The following BNIP1 variants were observed in gnomAD, a reference collection of about 807,000 sequenced individuals.
BNIP1 encodes BCL2 interacting protein 1.
Under a neutral mutation model 28.5 loss-of-function variants are expected in BNIP1, and 25 were observed. That is an observed-to-expected ratio of 0.88 (90% CI 0.64 to 1.23). BNIP1 has a LOEUF of 1.23. BNIP1 is among the 50% of genes most tolerant of loss of function. BNIP1 has a pLI of 0.00. For synonymous variants in BNIP1, 118 were observed against 101.7 expected (o/e 1.16, Z -0.96); for missense variants, 276 against 277.0 (o/e 1.00, Z 0.02).
chr5:173,163,200 C>T (rs1760411714), intron 5 of BNIP1, among the ~76,000 whole-genome samples: 1 of 152,208 alleles, frequency 6.6e-6, no homozygotes, highest in Admixed American at 6.5e-5. Context: ...GCCAGTATCC[C>T]TGGCCTGAGG....
At chr5:173,150,103 T>A (rs959829928) in intron 2 of BNIP1, among the ~76,000 whole-genome samples, 1 of 151,998 alleles carries the variant, frequency 6.6e-6, no homozygotes, top group South Asian at 2.1e-4. Context: ...ACTAAAAGTA[T>A]AAAAATTAGC....
chr5:173,150,166 G>A (rs1298042603), intron 2 of BNIP1, among the ~76,000 whole-genome samples: 2 of 151,644 alleles, frequency 1.3e-5, no homozygotes, highest in Non-Finnish European at 2.9e-5. Flanking sequence ...GCTGAGGCAT[G>A]AGAATTGCTT....
intron 2 of BNIP1, among the ~76,000 whole-genome samples, chr5:173,147,822 GTTGC>G (rs1277144482): frequency 9.9e-5 from 15 of 151,482 alleles, no homozygotes; most frequent in African/African-American, 3.4e-4. Flanking sequence ...ATGTTATTCT[GTTGC>G]TTTCATTTTT....
At chr5:173,153,937 A>T (rs1760104559) in intron 2 of BNIP1, among the ~76,000 whole-genome samples, 1 of 152,202 alleles carries the variant, frequency 6.6e-6, no homozygotes. Context: ...CTGGAAATGA[A>T]CAGCAGTTTG....
chr5:173,153,834 A>G (rs1760100112), intron 2 of BNIP1, among the ~76,000 whole-genome samples: 1 of 151,978 alleles, frequency 6.6e-6, no homozygotes, highest in South Asian at 2.1e-4. Flanking sequence ...TCAGGGCTTC[A>G]TTTTTCTGTC....
At chr5:173,148,298 T>A (rs377006681) in intron 2 of BNIP1, among the ~76,000 whole-genome samples, 40 of 151,410 alleles carry the variant, frequency 2.6e-4, no homozygotes, top group African/African-American at 9.5e-4. Flanking sequence ...AGCTTCTAAT[T>A]GTTTCCAAGT....
At chr5:173,148,079 AAAAAATATATATATATATATATATATAT>A (rs1561593291) in intron 2 of BNIP1, among the ~76,000 whole-genome samples, 7 of 49,700 alleles carry the variant, frequency 1.4e-4, no homozygotes, top group African/African-American at 5.7e-4. Flanking sequence ...AAAAAAAAAA[AAAAAATATATATATATATATATATATAT>A]ATATATATAT....
chr5:173,159,704 G>C (rs928114786), intron 4 of BNIP1, among the ~76,000 whole-genome samples: 3 of 152,142 alleles, frequency 2.0e-5, no homozygotes, highest in East Asian at 1.9e-4. Context: ...CATTACCAAG[G>C]CTCTTCAATT....
intron 2 of BNIP1, among the ~76,000 whole-genome samples, chr5:173,149,395 G>A (rs947185491): frequency 3.9e-5 from 6 of 152,136 alleles, no homozygotes; most frequent in African/African-American, 9.7e-5. Context: ...GATCTCATGA[G>A]ACTCATTCAC....
chr5:173,164,121 G>T lies in BNIP1; in HGVS notation c.*200G>T. The T allele has an allele frequency of 4.2e-6, 2 of 480,552 alleles. No homozygotes were observed. The highest frequency in any genetic ancestry group is 7.1e-6 in the Non-Finnish European group (2 of 281,610). The allele number at this position is 480,552 out of a possible 1,614,324, so 29.8% of individuals were successfully genotyped here. Reference sequence around the variant, plus strand: ...AACAGAGCCATGGGAGGAAGGTCTGGCATTGGGATGCCGCCCTGGGGACAT... The same window carrying T: ...AACAGAGCCATGGGAGGAAGGTCTGTCATTGGGATGCCGCCCTGGGGACAT... On this transcript the variant is annotated 3_prime_UTR_variant, in exon 6 of 6. Coordinates refer to ENST00000351486, the MANE Select transcript of BNIP1 (RefSeq NM_001205.3). The surrounding 1 kb of genome is among the most constrained non-coding windows in gnomAD (Gnocchi z 4.0).
chr5:173,160,325 C>G (rs1760327449), intron 5 of BNIP1, among the ~76,000 whole-genome samples: 1 of 152,010 alleles, frequency 6.6e-6, no homozygotes, highest in South Asian at 2.1e-4. Flanking sequence ...ACCTCTGCCT[C>G]CTGGTTTCAA....
intron 3 of BNIP1, among the ~76,000 whole-genome samples, chr5:173,158,093 C>T (rs917593945): frequency 6.6e-6 from 1 of 151,382 alleles, no homozygotes; most frequent in African/African-American, 2.4e-5. Flanking sequence ...CCATGCCTGG[C>T]TAATTTTTTG....
intron 2 of BNIP1, among the ~76,000 whole-genome samples, chr5:173,147,570 A>G (rs757419250): frequency 2.8e-5 from 4 of 140,808 alleles, no homozygotes; most frequent in Non-Finnish European, 4.7e-5. Flanking sequence ...CACTACCTCA[A>G]TCCATCACAC....
chr5:173,148,083 AATATATATATATATATATAT>A (rs70984952), intron 2 of BNIP1, among the ~76,000 whole-genome samples: 1,217 of 39,960 alleles, frequency 0.03, 46 homozygotes, highest in Middle Eastern at 0.042. Flanking sequence ...AAAAAAAAAA[AATATATATATATATATATAT>A]ATATATATAT....
chr5:173,159,477 T>G (rs1760300861), intron 4 of BNIP1, among the ~76,000 whole-genome samples: 1 of 145,566 alleles, frequency 6.9e-6, no homozygotes, highest in Non-Finnish European at 1.5e-5. Flanking sequence ...AGTTGTTCAT[T>G]AAAAAAAAAA....
chr5:173,146,310 T>C (rs1370554536), intron 1 of BNIP1, among the ~76,000 whole-genome samples: 1 of 152,242 alleles, frequency 6.6e-6, no homozygotes, highest in Non-Finnish European at 1.5e-5. Flanking sequence ...CTGGTCTGTC[T>C]CCAGAGCCTG....
At chr5:173,158,716 C>A in intron 3 of BNIP1, 28 bp from the exon 4 acceptor site, 1 of 1,568,614 alleles carries the variant, frequency 6.4e-7, no homozygotes, top group Non-Finnish European at 8.7e-7. Flanking sequence ...GGAGTGGACA[C>A]ACTCACACGT....
chr5:173,151,588 T>G (rs761437644), intron 2 of BNIP1: 1 of 1,613,524 alleles, frequency 6.2e-7, no homozygotes, highest in Non-Finnish European at 8.5e-7. Context: ...CAAAGGGCAT[T>G]TATTTGGACT....
intron 1 of BNIP1, among the ~76,000 whole-genome samples, chr5:173,146,021 C>T (rs1404454211): frequency 1.3e-5 from 2 of 152,232 alleles, no homozygotes; most frequent in East Asian, 1.9e-4. Context: ...AATGAAATTA[C>T]ATTTTCACAT....
Sources: allele counts gnomAD v4.1 joint callset (sites outside exome capture counted in the v4.1 genomes callset), GRCh38; gene constraint gnomAD v4.1.1; non-coding constraint Gnocchi (gnomAD v3.1); transcripts MANE v1.5; gene names NCBI Gene and HGNC (gene_info 2026-07-23, HGNC 2026-07-21).